Variants in ACBD6 observed in about 807,000 individuals in gnomAD.
ACBD6 encodes acyl-CoA-binding domain-containing protein 6.
Under a neutral mutation model 37.2 loss-of-function variants are expected in ACBD6, and 28 were observed. The observed-to-expected ratio is 0.75, with a 90% CI of 0.56 to 1.03. The LOEUF (loss-of-function observed/expected upper bound fraction) is 1.03. Among genes scored for constraint, ACBD6 ranks in the 50% least tolerant of loss-of-function variants. ACBD6 has a pLI of 0.00. For missense variants in ACBD6, 340 were observed against 337.4 expected (o/e 1.01, Z -0.06); for synonymous variants, 113 against 126.8 (o/e 0.89, Z 0.73).
chr1:180,444,807 T>C (rs1206878716), intron 3 of ACBD6, among the ~76,000 whole-genome samples: 1 of 152,206 alleles, frequency 6.6e-6, no homozygotes, highest in Non-Finnish European at 1.5e-5. Context: ...ACTAAAATGC[T>C]CCTTCACTCA....
At chr1:180,357,905 G>A (rs1165265457) in intron 6 of ACBD6, among the ~76,000 whole-genome samples, 2 of 152,134 alleles carry the variant, frequency 1.3e-5, no homozygotes, top group Non-Finnish European at 2.9e-5. Context: ...CGTTCATATT[G>A]TGTTAACTCT....
At chr1:180,495,193 A>G (rs1651684076) in intron 2 of ACBD6, among the ~76,000 whole-genome samples, 1 of 152,178 alleles carries the variant, frequency 6.6e-6, no homozygotes, top group Non-Finnish European at 1.5e-5. Flanking sequence ...GGAAAATCTC[A>G]AGCAATAGCT....
intron 6 of ACBD6, among the ~76,000 whole-genome samples, chr1:180,369,935 T>C (rs1004864082): frequency 6.6e-6 from 1 of 152,204 alleles, no homozygotes; most frequent in Non-Finnish European, 1.5e-5. Flanking sequence ...AGCATTCAAA[T>C]AAACTTAAGA....
At position 180,288,486 on chromosome 1, in the gene ACBD6, C is replaced by CTCCAG. The variant is rs752444272; in HGVS notation, c.725_726insCTGGA (p.Glu242AspfsTer25). 1 of 1,613,662 alleles carries CTCCAG rather than the reference C, an allele frequency of 6.2e-7. No homozygotes were observed. Among genetic ancestry groups the CTCCAG allele is most frequent in the South Asian group, 1.1e-5 (1 of 91,016 alleles). On this transcript the variant is annotated frameshift_variant, in exon 8 of 8. Transcript: ENST00000367595. LOFTEE classifies it high-confidence loss of function. ...GGTCAGCACCAGACTGGAGCAGCAG[C>CTCCAG]TCTACAATATCCAGAAACTCACAGG... is the stretch of plus-strand genomic sequence containing the variant.
chr1:180,473,595 CTGTAAAAAGAGATAAAT>C (rs1236916210), intron 3 of ACBD6, among the ~76,000 whole-genome samples: 2 of 152,000 alleles, frequency 1.3e-5, no homozygotes, highest in Non-Finnish European at 2.9e-5. Flanking sequence ...ATTTCAAAAA[CTGTAAAAAGAGATAAAT>C]TGTCCACACA....
intron 3 of ACBD6, among the ~76,000 whole-genome samples, chr1:180,451,241 GGCAGAAAATAAA>G (rs1649691352): frequency 1.3e-5 from 2 of 152,108 alleles, no homozygotes; most frequent in Non-Finnish European, 2.9e-5. Context: ...CAATCAAAAA[GGCAGAAAATAAA>G]TCAGAACCCT....
intron 6 of ACBD6, among the ~76,000 whole-genome samples, chr1:180,372,695 T>C (rs1653303975): frequency 6.6e-6 from 1 of 152,148 alleles, no homozygotes; most frequent in Non-Finnish European, 1.5e-5. Context: ...TGATAACAAG[T>C]AGAAGTCACT....
chr1:180,469,791 T>C (rs1435598940), intron 3 of ACBD6, among the ~76,000 whole-genome samples: 4 of 152,176 alleles, frequency 2.6e-5, no homozygotes, highest in East Asian at 1.9e-4. Context: ...AACACTAACA[T>C]TGCATCCCGT....
At chr1:180,333,137 A>T (rs1477289643) in intron 6 of ACBD6, among the ~76,000 whole-genome samples, 2 of 152,200 alleles carry the variant, frequency 1.3e-5, no homozygotes, top group Non-Finnish European at 2.9e-5. Flanking sequence ...TCATGTTACT[A>T]TATATTTTAC....
intron 6 of ACBD6, among the ~76,000 whole-genome samples, chr1:180,351,788 G>A (rs539650979): frequency 6.6e-6 from 1 of 152,200 alleles, no homozygotes; most frequent in African/African-American, 2.4e-5. Context: ...AACAGAGAAT[G>A]ATCCAGTAAT....
At chr1:180,369,804 A>G (rs1226368226) in intron 6 of ACBD6, among the ~76,000 whole-genome samples, 1 of 152,202 alleles carries the variant, frequency 6.6e-6, no homozygotes, top group African/African-American at 2.4e-5. Flanking sequence ...AGTATTTAGC[A>G]TCCACCACTC....
intron 3 of ACBD6, among the ~76,000 whole-genome samples, chr1:180,457,184 GC>G (rs1177206036): frequency 3.3e-5 from 5 of 152,058 alleles, no homozygotes; most frequent in African/African-American, 4.8e-5. Flanking sequence ...GATCCACGGG[GC>G]CAAAGGTGAG....
At chr1:180,372,222 T>C (rs1653287732) in intron 6 of ACBD6, among the ~76,000 whole-genome samples, 1 of 152,164 alleles carries the variant, frequency 6.6e-6, no homozygotes, top group Non-Finnish European at 1.5e-5. Flanking sequence ...CATGGTTCTT[T>C]TGTTGTTACT....
At chr1:180,301,158 A>T (rs1476954492) in intron 7 of ACBD6, among the ~76,000 whole-genome samples, 2 of 152,168 alleles carry the variant, frequency 1.3e-5, no homozygotes. Flanking sequence ...TAACACCACT[A>T]CTGTATATCT....
chr1:180,467,429 T>C (rs1650388110), intron 3 of ACBD6, among the ~76,000 whole-genome samples: 1 of 118,670 alleles, frequency 8.4e-6, no homozygotes, highest in Non-Finnish European at 1.6e-5. Flanking sequence ...CTGGGCAATA[T>C]AGTTAGACTC....
At chr1:180,353,757 T>C (rs2101895598) in intron 6 of ACBD6, among the ~76,000 whole-genome samples, 1 of 9,474 alleles carries the variant, frequency 1.1e-4, no homozygotes. Flanking sequence ...GTTAAAAAAA[T>C]TCAATGACAT....
In ACBD6 at chr1:180,491,458, C is replaced by A. The variant is rs542894465; in HGVS notation, c.384+811G>T. Among the ~76,000 whole-genome samples, 81 of 152,214 alleles carry A rather than the reference C, an allele frequency of 5.3e-4. No individual in the cohort carries two copies. In the South Asian group the frequency reaches 6.0e-3, roughly 11 times the overall value. On this transcript the variant is annotated intron_variant, in intron 3 of 7. Transcript: ENST00000367595. ...GAACAATATCCAATGCTTCCAAAGTCCAAAGCAATCCCTTTTCCTGCTGGA... is the reference window on the plus strand; with the variant it reads ...GAACAATATCCAATGCTTCCAAAGTACAAAGCAATCCCTTTTCCTGCTGGA...
intron 3 of ACBD6, among the ~76,000 whole-genome samples, chr1:180,454,962 C>T (rs966319525): frequency 6.6e-5 from 10 of 152,100 alleles, no homozygotes; most frequent in Non-Finnish European, 4.4e-5. Flanking sequence ...GTCAGTGTGG[C>T]GATTCCTCAG....
chr1:180,283,887 G>T (rs901232904), downstream of ACBD6, among the ~76,000 whole-genome samples: 3 of 152,122 alleles, frequency 2.0e-5, no homozygotes, highest in Admixed American at 2.0e-4. Context: ...GGGATGTTCA[G>T]CTGGTACGTA....
Sources: gnomAD v4.1 joint callset for allele counts (sites outside exome capture counted in the v4.1 genomes callset) on GRCh38, gnomAD v4.1.1 for gene constraint, MANE v1.5 for transcripts, NCBI Gene and HGNC (gene_info 2026-07-23, HGNC 2026-07-21) for gene names.